The following PBX1 variants were observed in gnomAD, a reference collection of about 807,000 sequenced individuals.
The protein encoded by PBX1 is PBX homeobox 1.
PBX1 carries 6 observed loss-of-function variants against 53.4 expected under a neutral mutation model. The observed-to-expected ratio is 0.11, with a 90% CI of 0.06 to 0.22. PBX1 has a LOEUF of 0.22. Among genes scored for constraint, PBX1 ranks in the 10% least tolerant of loss-of-function variants. PBX1 has a pLI of 1.00. For synonymous variants in PBX1, 204 were observed against 212.3 expected, an observed-to-expected ratio of 0.96 and a Z score of 0.34; for missense variants, 251 against 551.4, an observed-to-expected ratio of 0.46 and a Z score of 5.46.
intron 2 of PBX1, among the ~76,000 whole-genome samples, chr1:164,610,601 A>G (rs1412209102): frequency 6.6e-6 from 1 of 152,056 alleles, no homozygotes; most frequent in Non-Finnish European, 1.5e-5. Flanking sequence ...GTGGAAACAA[A>G]CAAGCAGAAT....
intron 2 of PBX1, among the ~76,000 whole-genome samples, chr1:164,774,852 C>G (rs1312212021): frequency 6.6e-6 from 1 of 152,152 alleles, no homozygotes; most frequent in Non-Finnish European, 1.5e-5. Flanking sequence ...AACCCATGGC[C>G]CAGCAGGAAT....
At chr1:164,871,823 CCTT>C (rs1357075790) in intron 2 of PBX1, among the ~76,000 whole-genome samples, 3 of 151,782 alleles carry the variant, frequency 2.0e-5, no homozygotes, top group African/African-American at 4.8e-5. Flanking sequence ...GGACCGCTCT[CCTT>C]CTTGCTGCTC....
At chr1:164,807,969 A>T (rs74118209) in intron 5 of PBX1, among the ~76,000 whole-genome samples, 3,369 of 152,310 alleles carry the variant, frequency 0.022, 135 homozygotes, top group African/African-American at 0.077. Context: ...CAAATGGGTG[A>T]GGTGTCTAAA....
intron 8 of PBX1, among the ~76,000 whole-genome samples, chr1:164,832,656 A>G (rs989438465): frequency 6.6e-6 from 1 of 152,092 alleles, no homozygotes; most frequent in Non-Finnish European, 1.5e-5. Context: ...AATTAAATAG[A>G]AAATATAATT....
chr1:164,694,926 A>G (rs1235615103), intron 2 of PBX1, among the ~76,000 whole-genome samples: 1 of 152,140 alleles, frequency 6.6e-6, no homozygotes, highest in Non-Finnish European at 1.5e-5. Context: ...TCTGCCTGTA[A>G]TATCCTTAAG....
intron 5 of PBX1, among the ~76,000 whole-genome samples, chr1:164,808,940 C>T (rs1042813823): frequency 5.9e-5 from 9 of 152,132 alleles, no homozygotes; most frequent in South Asian, 2.1e-4. Context: ...GAAACGGGAA[C>T]GTCAGCGGTC....
At chr1:164,778,660 G>GTTA (rs1667785484) in intron 2 of PBX1, among the ~76,000 whole-genome samples, 1 of 151,438 alleles carries the variant, frequency 6.6e-6, no homozygotes, top group African/African-American at 2.4e-5. Flanking sequence ...AGAAGAACAG[G>GTTA]TTAAGAGTGT....
chr1:164,775,253 C>T (rs967590466), intron 2 of PBX1, among the ~76,000 whole-genome samples: 2 of 152,184 alleles, frequency 1.3e-5, no homozygotes, highest in Non-Finnish European at 2.9e-5. Context: ...CTAGGACCCA[C>T]TGTCAAAGAT....
chr1:164,629,124 G>A (rs948961238), intron 2 of PBX1, among the ~76,000 whole-genome samples: 8 of 151,940 alleles, frequency 5.3e-5, no homozygotes, highest in African/African-American at 1.9e-4. Flanking sequence ...TTTGCTCGAG[G>A]CTCTGTTTAT....
At chr1:164,673,318 G>C (rs987141908) in intron 2 of PBX1, among the ~76,000 whole-genome samples, 1 of 152,122 alleles carries the variant, frequency 6.6e-6, no homozygotes, top group Non-Finnish European at 1.5e-5. Context: ...GAAAGGGTTG[G>C]AGTGGGGCTG....
intron 2 of PBX1, among the ~76,000 whole-genome samples, chr1:164,619,579 G>A (rs918545549): frequency 6.6e-6 from 1 of 152,084 alleles, no homozygotes; most frequent in Non-Finnish European, 1.5e-5. Context: ...CAAAGCCTAA[G>A]TACTCGCCTT....
chr1:164,838,423 C>A (rs1671144394), intron 8 of PBX1, among the ~76,000 whole-genome samples: 1 of 152,104 alleles, frequency 6.6e-6, no homozygotes, highest in Admixed American at 6.6e-5. Flanking sequence ...ATATTAGAAT[C>A]CTCGGACTTT....
At chr1:164,763,879 A>G (rs148215729) in intron 2 of PBX1, among the ~76,000 whole-genome samples, 359 of 152,306 alleles carry the variant, frequency 2.4e-3, no homozygotes, top group Non-Finnish European at 4.1e-3. Flanking sequence ...ATAAATTCAT[A>G]AAGATTAATC....
chr1:164,758,584 C>T (rs12239896), intron 2 of PBX1, among the ~76,000 whole-genome samples: 4,178 of 152,214 alleles, frequency 0.027, 216 homozygotes, highest in African/African-American at 0.096. Context: ...GCCTTCTTAC[C>T]CTGTCTCCGT....
chr1:164,712,875 C>T (rs192418683), intron 2 of PBX1, among the ~76,000 whole-genome samples: 64 of 152,318 alleles, frequency 4.2e-4, no homozygotes, highest in African/African-American at 1.4e-3. Flanking sequence ...CACATTCTCT[C>T]CTGCTCTAGG....
chr1:164,785,877 C>A (rs897088630), intron 2 of PBX1, among the ~76,000 whole-genome samples: 2 of 152,184 alleles, frequency 1.3e-5, no homozygotes, highest in African/African-American at 4.8e-5. Context: ...GCACCCAGAG[C>A]CTTTGTCACC....
intron 2 of PBX1, among the ~76,000 whole-genome samples, chr1:164,699,356 G>A (rs1005134985): frequency 2.0e-5 from 3 of 152,190 alleles, no homozygotes; most frequent in South Asian, 2.1e-4. Context: ...AGTAGTTAAC[G>A]TTTTTGTGCC....
intron 2 of PBX1, among the ~76,000 whole-genome samples, chr1:164,714,710 A>G (rs1259945050): frequency 6.6e-6 from 1 of 152,172 alleles, no homozygotes; most frequent in Non-Finnish European, 1.5e-5. Flanking sequence ...TTTAGTTCTG[A>G]CCACCAAACC....
rs188586857 is a variant in PBX1 at position 164,695,398 on chromosome 1, G to C, written c.266-97096G>C. ...TCATCATATGCTACAAATATACTGA[G>C]TTACCTGTAATACCTAAAACCTGCC... is the stretch of plus-strand genomic sequence containing the variant. On this transcript the variant is annotated intron_variant, in intron 2 of 8. Transcript: ENST00000420696. Among the ~76,000 whole-genome samples the C allele has an allele frequency of 7.2e-4, 109 of 152,166 alleles. 2 individuals are homozygous for C. Among genetic ancestry groups the C allele is most frequent in the Admixed American group, 7.0e-3 (107 of 15,274 alleles).
Sources: allele counts gnomAD v4.1 joint callset (sites outside exome capture counted in the v4.1 genomes callset), GRCh38; gene constraint gnomAD v4.1.1; transcripts MANE v1.5; gene names NCBI Gene and HGNC (gene_info 2026-07-23, HGNC 2026-07-21).